The following EFCAB6 variants were observed in gnomAD, a reference collection of about 807,000 sequenced individuals.
The protein encoded by EFCAB6 is EF-hand calcium-binding domain-containing protein 6.
EFCAB6 carries 156 observed loss-of-function variants against 169.8 expected under a neutral mutation model. The ratio of observed to expected loss-of-function variants is 0.92; its 90% CI spans 0.81 to 1.05. The LOEUF is 1.05. Ranked by LOEUF, EFCAB6 falls within the 50% of genes least tolerant of loss-of-function variation. The pLI, the probability that EFCAB6 is intolerant of heterozygous loss-of-function variation, is 0.00. For synonymous variants in EFCAB6, 698 were observed against 676.4 expected, an observed-to-expected ratio of 1.03 and a Z score of -0.50; for missense variants, 1,800 against 1,829.1, an observed-to-expected ratio of 0.98 and a Z score of 0.29.
At chr22:43,797,617 G>GCA (rs141453344) in intron 2 of EFCAB6, among the ~76,000 whole-genome samples, 319 of 149,708 alleles carry the variant, frequency 2.1e-3, no homozygotes, top group African/African-American at 5.7e-3. Flanking sequence ...ACACACACAT[G>GCA]CACACACACA....
At chr22:43,684,199 C>G (rs1346735195) in intron 11 of EFCAB6, among the ~76,000 whole-genome samples, 1 of 152,158 alleles carries the variant, frequency 6.6e-6, no homozygotes, top group African/African-American at 2.4e-5. Flanking sequence ...CTGGGAGCCC[C>G]CCCTCCTGTG....
intron 22 of EFCAB6, among the ~76,000 whole-genome samples, chr22:43,605,883 T>A (rs1569235841): frequency 6.6e-6 from 1 of 152,210 alleles, no homozygotes; most frequent in Non-Finnish European, 1.5e-5. Context: ...AGATATTGCA[T>A]GCAATACTTT....
At position 43,572,180 on chromosome 22, in the gene EFCAB6, A is replaced by G. The variant is rs1287594799; in HGVS notation, c.3420+4117T>C. Among the ~76,000 whole-genome samples, 1 of 152,038 alleles carries G rather than the reference A, an allele frequency of 6.6e-6. No individual in the cohort carries two copies. Among genetic ancestry groups the G allele is most frequent in the East Asian group, 1.9e-4 (1 of 5,186 alleles). On this transcript the variant is annotated intron_variant, in intron 26 of 31. Transcript: ENST00000262726. The surrounding 1 kb of genome is among the most constrained non-coding windows in gnomAD (Gnocchi z 4.0). Reference sequence around the variant, plus strand: ...TCTTCACTCTTGCTGCAATTTTCTCATGAGGATGTTGAGCAGGTGCTTCTG... The same window carrying G: ...TCTTCACTCTTGCTGCAATTTTCTCGTGAGGATGTTGAGCAGGTGCTTCTG...
chr22:43,755,261 G>C (rs1357731802), intron 6 of EFCAB6, among the ~76,000 whole-genome samples: 1 of 152,196 alleles, frequency 6.6e-6, no homozygotes. Context: ...TGTGTGCTGT[G>C]AGATCTAACC....
At chr22:43,579,050 G>C (rs1316408811) in intron 25 of EFCAB6, among the ~76,000 whole-genome samples, 1 of 148,342 alleles carries the variant, frequency 6.7e-6, no homozygotes, top group Non-Finnish European at 1.5e-5. Flanking sequence ...CTACACGCAG[G>C]CATCATTCCG....
chr22:43,558,264 C>CA (rs2048823926), intron 26 of EFCAB6, among the ~76,000 whole-genome samples: 1 of 152,072 alleles, frequency 6.6e-6, no homozygotes, highest in African/African-American at 2.4e-5. Context: ...GCTAAAAGTA[C>CA]AAAAAAGCAA....
At chr22:43,563,399 C>G (rs2049198533) in intron 26 of EFCAB6, among the ~76,000 whole-genome samples, 1 of 152,036 alleles carries the variant, frequency 6.6e-6, no homozygotes, top group South Asian at 2.1e-4. Flanking sequence ...AAAACCCCAT[C>G]TCTACAAAAA....
At chr22:43,754,366 G>T (rs571686150) in intron 6 of EFCAB6, among the ~76,000 whole-genome samples, 1 of 152,152 alleles carries the variant, frequency 6.6e-6, no homozygotes, top group African/African-American at 2.4e-5. Context: ...AGGTCTGCCC[G>T]GGTCCCGGGG....
intron 10 of EFCAB6, among the ~76,000 whole-genome samples, chr22:43,701,990 AAAATT>A (rs1482644610): frequency 6.6e-6 from 1 of 152,188 alleles, no homozygotes; most frequent in African/African-American, 2.4e-5. Context: ...AAGAGGTGAC[AAAATT>A]AAATTAACCA....
intron 4 of EFCAB6, among the ~76,000 whole-genome samples, chr22:43,767,101 A>G (rs905034150): frequency 6.6e-6 from 1 of 152,236 alleles, no homozygotes; most frequent in Non-Finnish European, 1.5e-5. Context: ...ATCAAGCTTC[A>G]CACAAATACA....
At chr22:43,645,103 G>C (rs1262139989) in intron 17 of EFCAB6, among the ~76,000 whole-genome samples, 1 of 152,178 alleles carries the variant, frequency 6.6e-6, no homozygotes. Context: ...AATGGCTCCT[G>C]TATCACATAC....
chr22:43,780,321 T>C (rs1294650462), intron 3 of EFCAB6, among the ~76,000 whole-genome samples: 1 of 151,858 alleles, frequency 6.6e-6, no homozygotes, highest in Non-Finnish European at 1.5e-5. Context: ...ATCCTGTCTC[T>C]ACTAAAAATA....
intron 23 of EFCAB6, among the ~76,000 whole-genome samples, chr22:43,592,451 C>T (rs1055069981): frequency 1.3e-5 from 2 of 152,136 alleles, no homozygotes; most frequent in African/African-American, 4.8e-5. Context: ...AGAAAAAAAT[C>T]CAAACATTTT....
intron 26 of EFCAB6, among the ~76,000 whole-genome samples, chr22:43,566,574 G>A (rs991577924): frequency 6.6e-6 from 1 of 152,292 alleles, no homozygotes; most frequent in Admixed American, 6.5e-5. Context: ...AGTAAGTGGG[G>A]CTCAGTTCCA....
intron 8 of EFCAB6, among the ~76,000 whole-genome samples, chr22:43,727,322 T>G (rs974512586): frequency 6.6e-6 from 1 of 152,132 alleles, no homozygotes; most frequent in African/African-American, 2.4e-5. Context: ...TAGCTGGTCA[T>G]GAGGCTGCTG....
rs2058609838 is a variant in EFCAB6, at chr22:43,697,280, G to A, written c.1032-9699C>T. On this transcript the variant is annotated intron_variant, in intron 10 of 31. Coordinates refer to ENST00000262726, the MANE Select transcript of EFCAB6 (RefSeq NM_022785.4). ...GACTTGAGAGTTAACAAAACATCAT[G>A]GAGCCATTAAAAATTAATTTCAAAG... Among the ~76,000 whole-genome samples the A allele has an allele frequency of 2.0e-5, 3 of 152,128 alleles. No individual in the cohort carries two copies. In the South Asian group the frequency reaches 6.2e-4, roughly 31 times the overall value.
At chr22:43,556,127 C>T (rs1443998113) in intron 26 of EFCAB6, among the ~76,000 whole-genome samples, 4 of 152,044 alleles carry the variant, frequency 2.6e-5, no homozygotes, top group South Asian at 2.1e-4. Context: ...CTGGGCTCCA[C>T]GTTGAAGTCA....
chr22:43,668,384 CTAAG>C (rs1284362453), intron 16 of EFCAB6, among the ~76,000 whole-genome samples: 4 of 152,112 alleles, frequency 2.6e-5, no homozygotes, highest in African/African-American at 4.8e-5. Context: ...TATAGATTTA[CTAAG>C]TATGTTTTAT....
intron 19 of EFCAB6, among the ~76,000 whole-genome samples, chr22:43,630,513 G>A (rs1569280412): frequency 6.6e-6 from 1 of 152,248 alleles, no homozygotes; most frequent in Non-Finnish European, 1.5e-5. Context: ...TGGGAGACGC[G>A]AGGAGTGTGT....
Sources: allele counts gnomAD v4.1 joint callset (sites outside exome capture counted in the v4.1 genomes callset), GRCh38; gene constraint gnomAD v4.1.1; non-coding constraint Gnocchi (gnomAD v3.1); transcripts MANE v1.5; gene names NCBI Gene and HGNC (gene_info 2026-07-23, HGNC 2026-07-21).